The following HERC6 variants were observed in gnomAD, a reference collection of about 807,000 sequenced individuals.
The protein encoded by HERC6 is HECT and RLD domain containing E3 ubiquitin protein ligase family member 6.
A neutral mutation model predicts 114.5 loss-of-function variants in HERC6; 101 were observed. That is an observed-to-expected ratio of 0.88 (90% confidence interval 0.75 to 1.04). The LOEUF (loss-of-function observed/expected upper bound fraction) is 1.04. Ranked by LOEUF, HERC6 falls within the 50% of genes least tolerant of loss-of-function variation. The pLI, the probability that HERC6 is intolerant of heterozygous loss-of-function variation, is 0.00. For missense variants in HERC6, 1,133 were observed against 1,230.9 expected (o/e 0.92, Z 1.19); for synonymous variants, 408 against 436.2 (o/e 0.94, Z 0.81).
chr4:88,419,006 G>A (rs1365120504), intron 13 of HERC6, among the ~76,000 whole-genome samples: 2 of 152,132 alleles, frequency 1.3e-5, no homozygotes, highest in Admixed American at 6.5e-5. Flanking sequence ...GATTATAGGC[G>A]TGAGTCACTG....
At chr4:88,385,003 A>G (rs1734503141) in intron 2 of HERC6, among the ~76,000 whole-genome samples, 1 of 150,582 alleles carries the variant, frequency 6.6e-6, no homozygotes, top group Non-Finnish European at 1.5e-5. Flanking sequence ...AGCCTGGGTG[A>G]CAGAGCAAGA....
chr4:88,407,269 A>G (rs1173527427), intron 10 of HERC6, among the ~76,000 whole-genome samples: 7 of 145,706 alleles, frequency 4.8e-5, no homozygotes. Context: ...TAGTAGAGAC[A>G]GGGTTTCACC....
At chr4:88,438,125 CAAAAAAA>C (rs746047106) in intron 20 of HERC6, among the ~76,000 whole-genome samples, 1 of 43,940 alleles carries the variant, frequency 2.3e-5, no homozygotes, top group Non-Finnish European at 4.6e-5. Flanking sequence ...GACTGTGTCT[CAAAAAAA>C]AAAAAAAAAA....
At chr4:88,394,491 A>T (rs900955777) in intron 5 of HERC6, among the ~76,000 whole-genome samples, 2 of 149,936 alleles carry the variant, frequency 1.3e-5, no homozygotes, top group Admixed American at 1.3e-4. Flanking sequence ...AAAAAAAAAA[A>T]AAAATTAGGT....
chr4:88,398,351 A>T, intron 8 of HERC6, 142 bp downstream of exon 8: 1 of 453,728 alleles, frequency 2.2e-6, no homozygotes, highest in Non-Finnish European at 3.9e-6. Flanking sequence ...TTATGAAAAA[A>T]ATATTACATA....
intron 11 of HERC6, among the ~76,000 whole-genome samples, chr4:88,412,417 G>A (rs535281604): frequency 6.6e-6 from 1 of 152,234 alleles, no homozygotes; most frequent in South Asian, 2.1e-4. Flanking sequence ...ACTGGCCTGG[G>A]CAACATAGTG....
At chr4:88,381,423 G>C (rs1160236019) in intron 1 of HERC6, among the ~76,000 whole-genome samples, 1 of 152,156 alleles carries the variant, frequency 6.6e-6, no homozygotes, top group East Asian at 1.9e-4. Context: ...GACTTTAAAG[G>C]ATGATGAACT....
chr4:88,425,819 T>G (rs1174941346), intron 15 of HERC6, among the ~76,000 whole-genome samples: 1 of 152,178 alleles, frequency 6.6e-6, no homozygotes, highest in Non-Finnish European at 1.5e-5. Flanking sequence ...TGAGGCTTGT[T>G]TTCTAGGTCA....
At chr4:88,421,451 C>CTTTTTT (rs200388722) in intron 13 of HERC6, among the ~76,000 whole-genome samples, 2 of 133,908 alleles carry the variant, frequency 1.5e-5, no homozygotes, top group East Asian at 2.1e-4. Context: ...CTTTTCTTTT[C>CTTTTTT]TTTTTTTTTT....
chr4:88,439,790 GT>G, intron 20 of HERC6, 83 bp from the exon 21 acceptor site: 1 of 1,261,326 alleles, frequency 7.9e-7, no homozygotes, highest in African/African-American at 1.6e-5. Flanking sequence ...AATAGAAATA[GT>G]AAAAAGAACA....
rs776103970 is a variant in HERC6 at position 88,409,053 on chromosome 4, C to CA, written c.1368+441dup. 2.6e-5 allele frequency among the ~76,000 whole-genome samples: 4 copies of CA among 152,202 alleles called. No homozygotes were observed. The East Asian group carries it at 5.8e-4, about 22-fold the overall frequency. On this transcript the variant is annotated intron_variant, in intron 11 of 22. Transcript: ENST00000264346. The stretch of plus-strand genomic sequence containing the variant: ...TGGGACCATCCAGTTGTCAGAAATG[C>CA]AAAAACCTGAAAAGACATCTCAAAA...
intron 7 of HERC6, among the ~76,000 whole-genome samples, chr4:88,397,304 G>A (rs984694188): frequency 2.2e-4 from 33 of 151,396 alleles, no homozygotes; most frequent in East Asian, 7.9e-4. Context: ...TAGAGATGGG[G>A]TTTCTCCGTG....
chr4:88,385,682 TC>T, intron 3 of HERC6, 107 bp downstream of exon 3: 1 of 613,154 alleles, frequency 1.6e-6, no homozygotes. Flanking sequence ...AGTTTTTCAT[TC>T]CCCAGGTTTC....
chr4:88,383,284 TG>T lies in HERC6; in HGVS notation c.265del (p.Ala89LeufsTer27), dbSNP rs1734411436. ...GTGAGCTGCGGGAAGGAGCACTCCC[TG>T]GCTGTGTGCCACAAAGGAAGGGTCT... ...DLVSCGKEHS[L>X]AVCHKGRVFA... On this transcript the variant is annotated frameshift_variant, in exon 2 of 23. Coordinates refer to ENST00000264346, the MANE Select transcript of HERC6 (RefSeq NM_017912.4). LOFTEE classifies it high-confidence loss of function. The T allele has an allele frequency of 1.2e-6, 2 of 1,602,426 alleles. No individual in the cohort carries two copies. The highest frequency in any genetic ancestry group is 2.7e-5 in the African/African-American group (2 of 74,764).
rs897800998 is a variant in HERC6, at chr4:88,385,485, T to C, written c.360-14T>C. 8 of 1,244,668 alleles carry C rather than the reference T, an allele frequency of 6.4e-6. No homozygotes were observed. The highest frequency in any genetic ancestry group is 9.0e-6 in the Non-Finnish European group (8 of 888,216). 77.1% of individuals were successfully genotyped at this position (1,244,668 alleles called of 1,614,324 possible). ...AAATAAGGATTAATCAATTTTGTAT[T>C]ATTTGTATTATAGGAAAATAATGAC... On this transcript the variant is annotated splice_polypyrimidine_tract_variant and intron_variant, in intron 2 of 22. Coordinates refer to ENST00000264346, the MANE Select transcript of HERC6 (RefSeq NM_017912.4).
intron 15 of HERC6, 52 bp downstream of exon 15, chr4:88,424,754 G>A: frequency 1.9e-6 from 2 of 1,063,812 alleles, no homozygotes; most frequent in Non-Finnish European, 2.8e-6. Flanking sequence ...ATATAAAATA[G>A]AGATAGTGGT....
chr4:88,398,467 C>T lies in HERC6; in HGVS notation c.1092+258C>T, dbSNP rs116789446. 8.1e-4 allele frequency: 249 copies of T among 305,710 alleles called. 3 individuals carry two copies. The highest frequency in any genetic ancestry group is 5.2e-3 in the African/African-American group (236 of 45,668). 18.9% of individuals were successfully genotyped at this position (305,710 alleles called of 1,614,324 possible). A position where few individuals can be genotyped will look rare whatever the true frequency, so the allele number is the denominator to read the frequency against. ...TGGGTAAGTGTGTTTGTTGAATTTG[C>T]ATCATGTAAATGCACATACACATGT... On this transcript the variant is annotated intron_variant, in intron 8 of 22. Transcript: ENST00000264346.
chr4:88,380,174 T>A (rs371682483), intron 1 of HERC6, among the ~76,000 whole-genome samples: 111 of 15,890 alleles, frequency 7.0e-3, no homozygotes, highest in Non-Finnish European at 9.4e-3. Flanking sequence ...AATATATATA[T>A]AATATATAAA....
intron 5 of HERC6, among the ~76,000 whole-genome samples, chr4:88,394,444 G>A (rs1323257549): frequency 8.0e-6 from 1 of 125,328 alleles, no homozygotes; most frequent in Non-Finnish European, 1.6e-5. Context: ...CTGCACTCCA[G>A]CCTGGTTGAC....
Sources: allele counts gnomAD v4.1 joint callset (sites outside exome capture counted in the v4.1 genomes callset), GRCh38; gene constraint gnomAD v4.1.1; transcripts MANE v1.5; gene names NCBI Gene and HGNC (gene_info 2026-07-23, HGNC 2026-07-21).